The following GMDS variants were observed in gnomAD, a reference collection of about 807,000 sequenced individuals.
GMDS encodes GDP-mannose 4,6-dehydratase, also known as GDP-mannose 4,6 dehydratase.
A neutral mutation model predicts 49.9 loss-of-function variants in GMDS; 20 were observed. That is an observed-to-expected ratio of 0.40 (90% confidence interval 0.28 to 0.58). GMDS has a LOEUF of 0.58. GMDS is among the 20% of genes least tolerant of loss of function. GMDS has a pLI of 0.42. For synonymous variants in GMDS, 177 were observed against 178.6 expected, an observed-to-expected ratio of 0.99 and a Z score of 0.07; for missense variants, 362 against 481.4, an observed-to-expected ratio of 0.75 and a Z score of 2.32.
intron 7 of GMDS, among the ~76,000 whole-genome samples, chr6:1,852,202 C>T (rs1233137577): frequency 6.6e-6 from 1 of 152,232 alleles, no homozygotes; most frequent in African/African-American, 2.4e-5. Flanking sequence ...CAGATGAAAA[C>T]TCAGCGGGGC....
At chr6:2,066,147 G>T (rs1314141461) in intron 4 of GMDS, among the ~76,000 whole-genome samples, 1 of 151,730 alleles carries the variant, frequency 6.6e-6, no homozygotes, top group Non-Finnish European at 1.5e-5. Flanking sequence ...TTTCAACCCA[G>T]AATTTCATAT....
chr6:2,044,229 T>C (rs1769857984), intron 4 of GMDS, among the ~76,000 whole-genome samples: 1 of 152,090 alleles, frequency 6.6e-6, no homozygotes, highest in African/African-American at 2.4e-5. Context: ...CCCAAAGAAA[T>C]GTAAATAACT....
chr6:1,921,370 AAAC>A (rs1365174648), intron 7 of GMDS, among the ~76,000 whole-genome samples: 2 of 152,238 alleles, frequency 1.3e-5, no homozygotes, highest in East Asian at 1.9e-4. Flanking sequence ...GTCTTTCATT[AAAC>A]AACAATTTAA....
At chr6:2,144,024 T>C (rs2127531190) in intron 1 of GMDS, among the ~76,000 whole-genome samples, 1 of 152,320 alleles carries the variant, frequency 6.6e-6, no homozygotes, top group Middle Eastern at 3.4e-3. Flanking sequence ...CATTGACATA[T>C]GTAAAAACAG....
intron 7 of GMDS, among the ~76,000 whole-genome samples, chr6:1,848,067 C>A (rs1177229001): frequency 6.6e-6 from 1 of 152,170 alleles, no homozygotes; most frequent in Non-Finnish European, 1.5e-5. Flanking sequence ...AGAAGGCAGG[C>A]ACTGCTGTTA....
intron 4 of GMDS, among the ~76,000 whole-genome samples, chr6:2,016,292 A>G (rs1222639799): frequency 5.9e-5 from 9 of 151,738 alleles, no homozygotes; most frequent in Non-Finnish European, 1.3e-4. Flanking sequence ...AGACGATGAA[A>G]AAACAGACAA....
intron 4 of GMDS, among the ~76,000 whole-genome samples, chr6:2,032,869 C>G (rs1769057003): frequency 6.6e-6 from 1 of 152,182 alleles, no homozygotes; most frequent in Non-Finnish European, 1.5e-5. Flanking sequence ...GTTCCTCTTA[C>G]TGATTTGCCA....
chr6:2,051,900 C>T (rs528926553), intron 4 of GMDS, among the ~76,000 whole-genome samples: 9 of 151,972 alleles, frequency 5.9e-5, no homozygotes, highest in Admixed American at 1.3e-4. Context: ...GGGCAGATCA[C>T]GAGGTCAGGA....
At chr6:2,237,675 CCAT>C (rs1222281948) in intron 1 of GMDS, among the ~76,000 whole-genome samples, 12 of 151,964 alleles carry the variant, frequency 7.9e-5, no homozygotes, top group Admixed American at 2.0e-4. Flanking sequence ...GCGCCCACCA[CCAT>C]GCCAGGCTAA....
chr6:1,809,764 G>C (rs1433685573), intron 7 of GMDS, among the ~76,000 whole-genome samples: 2 of 152,046 alleles, frequency 1.3e-5, no homozygotes, highest in Non-Finnish European at 2.9e-5. Flanking sequence ...AGACAATCTT[G>C]GTATAAAAGA....
At chr6:1,638,886 A>G (rs1763245009) in intron 9 of GMDS, among the ~76,000 whole-genome samples, 1 of 152,192 alleles carries the variant, frequency 6.6e-6, no homozygotes, top group Non-Finnish European at 1.5e-5. Context: ...GGAGGTACAT[A>G]AAGACTTTAT....
At chr6:2,064,302 G>C (rs1480751399) in intron 4 of GMDS, among the ~76,000 whole-genome samples, 1 of 152,000 alleles carries the variant, frequency 6.6e-6, no homozygotes, top group African/African-American at 2.4e-5. Flanking sequence ...ATATTTTTCA[G>C]TTTATCAAAT....
intron 7 of GMDS, among the ~76,000 whole-genome samples, chr6:1,839,347 A>C (rs1213927142): frequency 2.6e-5 from 4 of 152,196 alleles, no homozygotes; most frequent in African/African-American, 9.7e-5. Flanking sequence ...CCTCCCGATT[A>C]GTACTGGGTT....
At chr6:1,693,435 T>C (rs1248660746) in intron 9 of GMDS, among the ~76,000 whole-genome samples, 2 of 152,244 alleles carry the variant, frequency 1.3e-5, no homozygotes, top group Non-Finnish European at 2.9e-5. Flanking sequence ...GCCCGAATCC[T>C]GTCCCCATGC....
intron 1 of GMDS, among the ~76,000 whole-genome samples, chr6:2,130,433 T>C (rs558851520): frequency 5.9e-5 from 9 of 152,328 alleles, no homozygotes; most frequent in Non-Finnish European, 1.3e-4. Flanking sequence ...TGAAGAATCG[T>C]TTATGTCCAG....
At chr6:1,721,019 G>C (rs948417707) in intron 9 of GMDS, among the ~76,000 whole-genome samples, 1 of 152,188 alleles carries the variant, frequency 6.6e-6, no homozygotes, top group African/African-American at 2.4e-5. Context: ...AGACAGAGCT[G>C]AGGGAAGCTC....
chr6:2,177,368 T>C (rs1444585459), intron 1 of GMDS, among the ~76,000 whole-genome samples: 1 of 152,086 alleles, frequency 6.6e-6, no homozygotes, highest in Non-Finnish European at 1.5e-5. Flanking sequence ...CATCCTGATA[T>C]CAAAATTTGG....
intron 1 of GMDS, among the ~76,000 whole-genome samples, chr6:2,172,968 A>C (rs1383669856): frequency 6.6e-6 from 1 of 152,222 alleles, no homozygotes; most frequent in African/African-American, 2.4e-5. Context: ...CCACAAAGAA[A>C]ATTTGAAAAT....
chr6:1,720,052 C>G (rs1766321368), intron 9 of GMDS, among the ~76,000 whole-genome samples: 1 of 151,994 alleles, frequency 6.6e-6, no homozygotes, highest in African/African-American at 2.4e-5. Flanking sequence ...AAAAAATATT[C>G]TTAAATAAGG....
Sources: gnomAD v4.1 joint callset for allele counts (sites outside exome capture counted in the v4.1 genomes callset) on GRCh38, gnomAD v4.1.1 for gene constraint, MANE v1.5 for transcripts, NCBI Gene and HGNC (gene_info 2026-07-23, HGNC 2026-07-21) for gene names.